PIP5K1B: variants seen among roughly 807,000 people sequenced by gnomAD.
The protein encoded by PIP5K1B is phosphatidylinositol-4-phosphate 5-kinase type 1 beta.
A neutral mutation model predicts 67.0 loss-of-function variants in PIP5K1B; 42 were observed. The observed-to-expected ratio is 0.63, with a 90% confidence interval of 0.49 to 0.81. The LOEUF (loss-of-function observed/expected upper bound fraction) is 0.81, where lower values mean the gene tolerates loss of function less well. PIP5K1B is among the 30% of genes least tolerant of loss of function. PIP5K1B has a pLI of 0.00. For synonymous variants in PIP5K1B, 214 were observed against 231.4 expected (o/e 0.92, Z 0.68); for missense variants, 459 against 646.3 (o/e 0.71, Z 3.14).
At chr9:68,744,508 G>A (rs922816495) in intron 2 of PIP5K1B, among the ~76,000 whole-genome samples, 1 of 152,214 alleles carries the variant, frequency 6.6e-6, no homozygotes, top group Non-Finnish European at 1.5e-5. Context: ...AAAGCTTCCA[G>A]CTTCATTCAT....
At chr9:68,790,763 A>G (rs1054808228) in intron 2 of PIP5K1B, among the ~76,000 whole-genome samples, 1 of 152,184 alleles carries the variant, frequency 6.6e-6, no homozygotes, top group African/African-American at 2.4e-5. Flanking sequence ...TGAACTATGC[A>G]TATACCTATG....
At chr9:68,895,218 G>A (rs1041138293) in intron 8 of PIP5K1B, among the ~76,000 whole-genome samples, 1 of 150,090 alleles carries the variant, frequency 6.7e-6, no homozygotes, top group African/African-American at 2.5e-5. Context: ...AACTTAGCTG[G>A]AGTGATTGTC....
At chr9:68,743,026 A>T (rs1307452965) in intron 2 of PIP5K1B, among the ~76,000 whole-genome samples, 1 of 152,134 alleles carries the variant, frequency 6.6e-6, no homozygotes, top group Non-Finnish European at 1.5e-5. Flanking sequence ...TCACTCACTC[A>T]TCAGCTGTCA....
At chr9:68,775,389 A>G (rs1310057877) in intron 2 of PIP5K1B, among the ~76,000 whole-genome samples, 1 of 152,166 alleles carries the variant, frequency 6.6e-6, no homozygotes, top group African/African-American at 2.4e-5. Context: ...TATTTGGCAT[A>G]TTACAATTGT....
In PIP5K1B at chr9:68,846,282, T is replaced by C. The variant is rs1197103858; in HGVS notation, c.70-17555T>C. ...TTTAAAATTCTCTTGGCATTGTTCT[T>C]CTGTGGTTTTCCAGAAATATGGCCA... On this transcript the variant is annotated intron_variant, in intron 4 of 15. Coordinates refer to ENST00000265382, the MANE Select transcript of PIP5K1B (RefSeq NM_003558.4). 2.6e-5 allele frequency among the ~76,000 whole-genome samples: 4 copies of C among 152,202 alleles called. No individual in the cohort carries two copies. The East Asian group carries it at 7.7e-4, about 29-fold the overall frequency.
intron 1 of PIP5K1B, among the ~76,000 whole-genome samples, chr9:68,722,975 A>G (rs1371834255): frequency 1.3e-5 from 2 of 152,150 alleles, no homozygotes; most frequent in African/African-American, 4.8e-5. Flanking sequence ...ACAGCCTCTC[A>G]TAACTATCAT....
chr9:68,839,144 T>C (rs1821781692), intron 4 of PIP5K1B, among the ~76,000 whole-genome samples: 2 of 152,230 alleles, frequency 1.3e-5, no homozygotes, highest in African/African-American at 4.8e-5. Flanking sequence ...AAAAAGCTTG[T>C]GTTTCTTTTG....
chr9:68,846,483 T>C (rs1822198608), intron 4 of PIP5K1B, among the ~76,000 whole-genome samples: 1 of 152,208 alleles, frequency 6.6e-6, no homozygotes, highest in Non-Finnish European at 1.5e-5. Flanking sequence ...TGTCATTCCT[T>C]AGTCCTTACA....
intron 1 of PIP5K1B, among the ~76,000 whole-genome samples, chr9:68,718,973 A>T (rs895802668): frequency 6.6e-6 from 1 of 152,156 alleles, no homozygotes; most frequent in African/African-American, 2.4e-5. Context: ...GAGTCATATT[A>T]TCCATTGAAA....
intron 2 of PIP5K1B, among the ~76,000 whole-genome samples, chr9:68,777,663 A>C (rs1371452099): frequency 3.3e-5 from 5 of 152,218 alleles, no homozygotes; most frequent in Non-Finnish European, 7.3e-5. Flanking sequence ...AATAGCATAT[A>C]TGTTTTATTT....
chr9:68,806,404 A>G (rs1832872464), intron 2 of PIP5K1B, among the ~76,000 whole-genome samples: 1 of 152,162 alleles, frequency 6.6e-6, no homozygotes, highest in South Asian at 2.1e-4. Context: ...TCAGGTCTTC[A>G]TCCTCATGAC....
intron 5 of PIP5K1B, among the ~76,000 whole-genome samples, chr9:68,864,200 A>G (rs1208359437): frequency 6.6e-6 from 1 of 152,232 alleles, no homozygotes; most frequent in African/African-American, 2.4e-5. Context: ...AATTCTAATT[A>G]GTTGTGATGA....
chr9:68,933,891 G>A (rs1022993489), intron 12 of PIP5K1B, among the ~76,000 whole-genome samples: 4 of 152,126 alleles, frequency 2.6e-5, no homozygotes, highest in African/African-American at 9.7e-5. Context: ...CAGCCTCTGG[G>A]AAGGCCCCAG....
At chr9:68,892,012 T>G (rs552375663) in intron 7 of PIP5K1B, among the ~76,000 whole-genome samples, 2 of 152,258 alleles carry the variant, frequency 1.3e-5, no homozygotes, top group Non-Finnish European at 2.9e-5. Flanking sequence ...AGAAAAATTC[T>G]AAAATACTTG....
intron 2 of PIP5K1B, chr9:68,780,034 T>C: frequency 7.9e-7 from 1 of 1,259,318 alleles, no homozygotes; most frequent in Non-Finnish European, 1.0e-6. Context: ...CGCGAAGGGC[T>C]ACGCATGCGC....
intron 14 of PIP5K1B, among the ~76,000 whole-genome samples, chr9:68,962,386 T>G (rs148388365): frequency 0.019 from 2,914 of 152,330 alleles, 34 homozygotes; most frequent in Non-Finnish European, 0.029. Flanking sequence ...TTCAAAATCA[T>G]AAGACTTATG....
At chr9:68,884,665 T>TAAAA (rs71353087) in intron 6 of PIP5K1B, among the ~76,000 whole-genome samples, 4 of 133,408 alleles carry the variant, frequency 3.0e-5, no homozygotes, top group African/African-American at 1.1e-4. Flanking sequence ...ACCTTGTCTT[T>TAAAA]AAAAAAAAAA....
chr9:68,984,110 TCACTC>T (rs1830005834), intron 14 of PIP5K1B, among the ~76,000 whole-genome samples: 2 of 152,160 alleles, frequency 1.3e-5, no homozygotes, highest in African/African-American at 4.8e-5. Flanking sequence ...TTACCACAAA[TCACTC>T]CAACAACCCT....
chr9:68,735,546 G>A (rs559789993), intron 1 of PIP5K1B, among the ~76,000 whole-genome samples: 1 of 151,816 alleles, frequency 6.6e-6, no homozygotes. Flanking sequence ...GTGCTACCAC[G>A]CCCAGCTAAT....
Sources: gnomAD v4.1 joint callset for allele counts (sites outside exome capture counted in the v4.1 genomes callset) on GRCh38, gnomAD v4.1.1 for gene constraint, MANE v1.5 for transcripts, NCBI Gene and HGNC (gene_info 2026-07-23, HGNC 2026-07-21) for gene names.